The following DBF4B variants were observed in gnomAD, a reference collection of about 807,000 sequenced individuals.
DBF4B encodes the protein DBF4B-CDC7 kinase regulatory subunit, also known as protein DBF4 homolog B.
A neutral mutation model predicts 53.4 loss-of-function variants in DBF4B; 49 were observed. That is an observed-to-expected ratio of 0.92 (90% CI 0.73 to 1.16). The LOEUF (loss-of-function observed/expected upper bound fraction) is 1.16, where lower values mean the gene tolerates loss of function less well. Among genes scored for constraint, DBF4B ranks in the 50% most tolerant of loss-of-function variants. The pLI, the probability that DBF4B is intolerant of heterozygous loss-of-function variation, is 0.00. For missense variants in DBF4B, 692 were observed against 775.0 expected (o/e 0.89, Z 1.27); for synonymous variants, 257 against 288.7 (o/e 0.89, Z 1.11).
rs1214269084 is a variant in DBF4B, at chr17:44,751,751, G to T, written c.*498G>T. 1.4e-6 allele frequency: 2 copies of T among 1,470,782 alleles called. No individual in the cohort carries two copies. Among genetic ancestry groups the T allele is most frequent in the Non-Finnish European group, 1.8e-6 (2 of 1,112,022 alleles). The allele number at this position is 1,470,782 out of a possible 1,614,324, so 91.1% of individuals were successfully genotyped here. A position where few individuals can be genotyped will look rare whatever the true frequency, so the allele number is the denominator to read the frequency against. Reference sequence around the variant, plus strand: ...ACTTCCTTCCTGGGTAGCTCTGCCTGAAGCATTCCACTAAGATCATCTATT... The same window carrying T: ...ACTTCCTTCCTGGGTAGCTCTGCCTTAAGCATTCCACTAAGATCATCTATT... On this transcript the variant is annotated 3_prime_UTR_variant, in exon 14 of 14. Transcript: ENST00000315005.
In DBF4B at chr17:44,751,522, C is replaced by T; in HGVS notation, c.*269C>T. On this transcript the variant is annotated 3_prime_UTR_variant, in exon 14 of 14. Transcript: ENST00000315005. Reference sequence around the variant, plus strand: ...ACTGTCTGTCCCTGGCCCTCCAGCCCACCTCGCCAACCACTCTTGTTGGTT... The same window carrying T: ...ACTGTCTGTCCCTGGCCCTCCAGCCTACCTCGCCAACCACTCTTGTTGGTT... 7.3e-7 allele frequency: 1 copy of T among 1,375,800 alleles called. No homozygotes were observed. The highest frequency in any genetic ancestry group is 2.7e-5 in the East Asian group (1 of 36,520). The allele number at this position is 1,375,800 out of a possible 1,614,324, so 85.2% of individuals were successfully genotyped here. A position where few individuals can be genotyped will look rare whatever the true frequency, so the allele number is the denominator to read the frequency against.
intron 13 of DBF4B, 63 bp downstream of exon 13, chr17:44,748,528 G>T: frequency 6.2e-7 from 1 of 1,607,682 alleles, no homozygotes. Context: ...TGCAGGGACT[G>T]GTGAGGTACC....
intron 2 of DBF4B, 122 bp from the exon 3 acceptor site, chr17:44,722,758 G>A (rs762187392): frequency 5.0e-5 from 55 of 1,104,796 alleles, no homozygotes; most frequent in Non-Finnish European, 6.9e-5. Flanking sequence ...ACAGCTGTCT[G>A]TGTGTGCCCA....
At chr17:44,727,277 G>A (rs1974444539) in intron 3 of DBF4B, among the ~76,000 whole-genome samples, 1 of 148,910 alleles carries the variant, frequency 6.7e-6, no homozygotes, top group Non-Finnish European at 1.5e-5. Context: ...AAATTAGCAG[G>A]GCATGGTAGC....
intron 4 of DBF4B, 98 bp from the exon 5 acceptor site, chr17:44,730,867 T>C: frequency 7.9e-7 from 1 of 1,271,124 alleles, no homozygotes. Context: ...CCGAGGGACA[T>C]AACCCCAAGA....
intron 3 of DBF4B, among the ~76,000 whole-genome samples, chr17:44,723,305 C>T (rs1974016009): frequency 6.6e-6 from 1 of 152,124 alleles, no homozygotes; most frequent in South Asian, 2.1e-4. Flanking sequence ...TGGGGTTTCA[C>T]CTTGTTGGCC....
At chr17:44,748,280 C>T (rs1173306484) in intron 12 of DBF4B, 61 bp from the exon 13 acceptor site, 1 of 1,534,814 alleles carries the variant, frequency 6.5e-7, no homozygotes, top group Non-Finnish European at 8.8e-7. Flanking sequence ...GTGCCCTCAG[C>T]CCTGGCCCAG....
rs186711436 is a variant in DBF4B at position 44,751,633 on chromosome 17, G to A, written c.*380G>A. ...AACACTTGAGTTGATTCAGTAAATCGACTTCAAATACTTGAAGGCTCCCAC... is the reference window on the plus strand; with the variant it reads ...AACACTTGAGTTGATTCAGTAAATCAACTTCAAATACTTGAAGGCTCCCAC... On this transcript the variant is annotated 3_prime_UTR_variant, in exon 14 of 14. Transcript: ENST00000315005. 227 of 1,365,164 alleles carry A rather than the reference G, an allele frequency of 1.7e-4. No individual in the cohort carries two copies. The East Asian group carries it at 5.0e-3, about 30-fold the overall frequency. 84.6% of individuals were successfully genotyped at this position (1,365,164 alleles called of 1,614,324 possible). A position where few individuals can be genotyped will look rare whatever the true frequency, so the allele number is the denominator to read the frequency against.
chr17:44,713,147 C>T (rs1973044562), intron 2 of DBF4B, among the ~76,000 whole-genome samples: 1 of 145,180 alleles, frequency 6.9e-6, no homozygotes, highest in South Asian at 2.2e-4. Context: ...TCATGCCATT[C>T]TTCTGCCTCA....
rs1334931097 is a variant in DBF4B at position 44,741,275 on chromosome 17, GC to G, written c.714-56del. ...CTGGAATTCTAGGGCATTGGGCGAG[GC>G]CCCCTCCTCAGCCTTTACCTTCCCC... On this transcript the variant is annotated intron_variant, in intron 9 of 13. Coordinates refer to ENST00000315005, the MANE Select transcript of DBF4B (RefSeq NM_145663.3). 5.7e-6 allele frequency: 7 copies of G among 1,235,214 alleles called. No individual in the cohort carries two copies. In the East Asian group the frequency reaches 1.6e-4, roughly 29 times the overall value. The allele number at this position is 1,235,214 out of a possible 1,614,324, so 76.5% of individuals were successfully genotyped here. A position where few individuals can be genotyped will look rare whatever the true frequency, so the allele number is the denominator to read the frequency against.
chr17:44,723,759 A>C (rs183451873), intron 3 of DBF4B, among the ~76,000 whole-genome samples: 25 of 148,396 alleles, frequency 1.7e-4, no homozygotes, highest in African/African-American at 3.2e-4. Context: ...ACTCTGTATA[A>C]AAAAAAAAAA....
At chr17:44,741,275 G>GC in intron 9 of DBF4B, 61 bp from the exon 10 acceptor site, 2 of 1,235,332 alleles carry the variant, frequency 1.6e-6, no homozygotes, top group Non-Finnish European at 2.4e-6. Flanking sequence ...ATTGGGCGAG[G>GC]CCCCCTCCTC....
intron 7 of DBF4B, 75 bp downstream of exon 7, chr17:44,734,238 G>A: frequency 6.3e-7 from 1 of 1,577,862 alleles, no homozygotes; most frequent in Non-Finnish European, 8.7e-7. Flanking sequence ...GTAAATCCAT[G>A]GCCCACCCAA....
At chr17:44,729,830 C>A in intron 3 of DBF4B, 75 bp from the exon 4 acceptor site, 1 of 1,514,406 alleles carries the variant, frequency 6.6e-7, no homozygotes, top group Non-Finnish European at 8.9e-7. Context: ...CCAAGATTTC[C>A]TTCTCCAGCC....
intron 3 of DBF4B, among the ~76,000 whole-genome samples, chr17:44,728,246 G>A (rs915438854): frequency 6.6e-6 from 1 of 152,102 alleles, no homozygotes; most frequent in Non-Finnish European, 1.5e-5. Context: ...CACCTTCCCA[G>A]AAAGTGAGGC....
intron 10 of DBF4B, among the ~76,000 whole-genome samples, chr17:44,745,979 G>A (rs2214982): frequency 0.47 from 70,877 of 149,514 alleles, 17,353 homozygotes; most frequent in East Asian, 0.73. Flanking sequence ...AGGCTGAGGT[G>A]GGCAGATCAC....
Position 44,750,873 on chromosome 17 carries a change from G to A in DBF4B, c.1468G>A (p.Val490Ile). The change falls in exon 14 of 14, where the codon GTT (valine) becomes ATT (isoleucine). Residue 490 changes from valine to isoleucine, a missense_variant. Val to Ile is a conservative substitution (Grantham distance 29, BLOSUM62 3). This residue lies in a region of DBF4B where 597 missense variants were observed against 665.8 expected (regional missense o/e 0.90). Coordinates refer to ENST00000315005, the MANE Select transcript of DBF4B (RefSeq NM_145663.3). ...CTCCTTTGCCCCGGCGGACATTCCT[G>A]TTAAGGGCCCACTCCTCTTCCCTGA... is the stretch of plus-strand genomic sequence containing the variant. Reference protein sequence around the residue: ...ENSFAPADIPVKGPLLFPEAR... With the variant: ...ENSFAPADIPIKGPLLFPEAR... 6.2e-7 allele frequency: 1 copy of A among 1,614,172 alleles called. No individual in the cohort carries two copies. The highest frequency in any genetic ancestry group is 8.5e-7 in the Non-Finnish European group (1 of 1,180,038).
intron 7 of DBF4B, among the ~76,000 whole-genome samples, chr17:44,735,586 C>T (rs1193001604): frequency 6.6e-6 from 1 of 152,110 alleles, no homozygotes; most frequent in African/African-American, 2.4e-5. Flanking sequence ...AGGAGAATCG[C>T]TTGAACCCTG....
chr17:44,728,117 C>T (rs11870875), intron 3 of DBF4B, among the ~76,000 whole-genome samples: 24,225 of 151,982 alleles, frequency 0.16, 1,964 homozygotes, highest in Middle Eastern at 0.22. Context: ...TTCAGCTGGA[C>T]GGTCACCTGG....
Sources: gnomAD v4.1 joint callset for allele counts (sites outside exome capture counted in the v4.1 genomes callset) on GRCh38, gnomAD v4.1.1 for gene constraint, gnomAD v4.1.1 regional missense constraint, MANE v1.5 for transcripts, NCBI Gene and HGNC (gene_info 2026-07-23, HGNC 2026-07-21) for gene names.